SGCZ: variants seen among roughly 807,000 people sequenced by gnomAD.
SGCZ encodes zeta-sarcoglycan.
A neutral mutation model predicts 41.3 loss-of-function variants in SGCZ; 40 were observed. That is an observed-to-expected ratio of 0.97 (90% confidence interval 0.75 to 1.26). The LOEUF is 1.26. Ranked by LOEUF, SGCZ falls within the 50% of genes most tolerant of loss-of-function variation. The pLI is 0.00. For missense variants in SGCZ, 552 were observed against 369.8 expected (o/e 1.49, Z -4.04); for synonymous variants, 206 against 137.5 (o/e 1.50, Z -3.49).
rs543197856 is a variant in SGCZ at position 14,102,298 on chromosome 8, A to G, written c.744+78T>C. On this transcript the variant is annotated intron_variant, in intron 7 of 7. Coordinates refer to ENST00000382080, the MANE Select transcript of SGCZ (RefSeq NM_139167.4). Reference sequence around the variant, plus strand: ...CTGAAAGATATTCCTTCACAAGTCAATTATAAATAGGACATCTAAATACTT... The same window carrying G: ...CTGAAAGATATTCCTTCACAAGTCAGTTATAAATAGGACATCTAAATACTT... The G allele has an allele frequency of 2.2e-5, 29 of 1,289,152 alleles. 1 individual carries two copies. The African/African-American group carries it at 3.8e-4, about 17-fold the overall frequency. 79.9% of individuals were successfully genotyped at this position (1,289,152 alleles called of 1,614,324 possible). A position where few individuals can be genotyped will look rare whatever the true frequency, so the allele number is the denominator to read the frequency against.
chr8:14,102,279 GAT>G, intron 7 of SGCZ, 95 bp downstream of exon 7: 1 of 1,216,512 alleles, frequency 8.2e-7, no homozygotes, highest in Non-Finnish European at 1.1e-6. Context: ...TCTACTGAAA[GAT>G]ATTCCTTCAC....
At position 15,229,302 on chromosome 8, in the gene SGCZ, T is replaced by C. The variant is rs149224602; in HGVS notation, c.39+8283A>G. Among the ~76,000 whole-genome samples, 100 of 152,342 alleles carry C rather than the reference T, an allele frequency of 6.6e-4. 1 individual carries two copies. The highest frequency in any genetic ancestry group is 2.3e-3 in the African/African-American group (97 of 41,584). On this transcript the variant is annotated intron_variant, in intron 1 of 7. Coordinates refer to ENST00000382080, the MANE Select transcript of SGCZ (RefSeq NM_139167.4). Reference sequence around the variant, plus strand: ...TAAGAGTATCTAAAAAGGATTTTAATAATTTTAACTGTATAAACATTTATT... The same window carrying C: ...TAAGAGTATCTAAAAAGGATTTTAACAATTTTAACTGTATAAACATTTATT...
chr8:14,899,556 T>C (rs1176863381), intron 1 of SGCZ, among the ~76,000 whole-genome samples: 1 of 152,168 alleles, frequency 6.6e-6, no homozygotes, highest in Non-Finnish European at 1.5e-5. Flanking sequence ...GGAAAAGGAA[T>C]GCCCTTCACA....
intron 1 of SGCZ, among the ~76,000 whole-genome samples, chr8:15,222,959 A>G (rs1200317141): frequency 1.3e-5 from 2 of 152,224 alleles, no homozygotes; most frequent in African/African-American, 4.8e-5. Context: ...TCATGAAAGC[A>G]TAGTTTGAGA....
chr8:14,474,038 G>A (rs1429882302), intron 2 of SGCZ, among the ~76,000 whole-genome samples: 1 of 152,056 alleles, frequency 6.6e-6, no homozygotes, highest in Non-Finnish European at 1.5e-5. Context: ...TTCTGTGGGA[G>A]GACAAGATTG....
In SGCZ at chr8:14,236,631, T is replaced by C. The variant is rs183030929; in HGVS notation, c.424+961A>G. 6.0e-3 allele frequency among the ~76,000 whole-genome samples: 911 copies of C among 151,650 alleles called. 4 individuals are homozygous for C. Among genetic ancestry groups the C allele is most frequent in the Non-Finnish European group, 0.011 (744 of 67,764 alleles). ...AGTCCTCAAAATTGTAATTTACTTTTCTCTTTCCCTCTTTCTCATTCTCTC... is the reference window on the plus strand; with the variant it reads ...AGTCCTCAAAATTGTAATTTACTTTCCTCTTTCCCTCTTTCTCATTCTCTC... On this transcript the variant is annotated intron_variant, in intron 4 of 7. Coordinates refer to ENST00000382080, the MANE Select transcript of SGCZ (RefSeq NM_139167.4).
At chr8:14,802,971 T>C (rs1008877350) in intron 1 of SGCZ, among the ~76,000 whole-genome samples, 1 of 152,320 alleles carries the variant, frequency 6.6e-6, no homozygotes, top group Middle Eastern at 3.4e-3. Context: ...TGTTTGTAGA[T>C]AGCAGACAGC....
intron 2 of SGCZ, among the ~76,000 whole-genome samples, chr8:14,330,305 T>C (rs546750997): frequency 2.6e-5 from 4 of 152,196 alleles, no homozygotes; most frequent in South Asian, 2.1e-4. Context: ...GATTGTTGAA[T>C]TGAATAGAAT....
intron 1 of SGCZ, among the ~76,000 whole-genome samples, chr8:14,747,659 G>A (rs1799373443): frequency 1.4e-5 from 1 of 70,348 alleles, no homozygotes; most frequent in Non-Finnish European, 2.8e-5. Context: ...AGGGTACAAG[G>A]CATTATTATT....
At chr8:15,221,118 A>C (rs1585688420) in intron 1 of SGCZ, among the ~76,000 whole-genome samples, 1 of 152,216 alleles carries the variant, frequency 6.6e-6, no homozygotes, top group East Asian at 1.9e-4. Context: ...CCTATGTAAC[A>C]AAACTGCATG....
chr8:15,122,554 A>G (rs531036668), intron 1 of SGCZ, among the ~76,000 whole-genome samples: 1 of 152,294 alleles, frequency 6.6e-6, no homozygotes, highest in South Asian at 2.1e-4. Flanking sequence ...ATATATTTTA[A>G]TAGCCCAATG....
At chr8:14,472,868 TAA>T (rs1216591478) in intron 2 of SGCZ, among the ~76,000 whole-genome samples, 5 of 152,166 alleles carry the variant, frequency 3.3e-5, no homozygotes, top group Non-Finnish European at 7.4e-5. Flanking sequence ...TTATCAATGC[TAA>T]GTTATCCCTG....
At chr8:14,958,250 T>C (rs938946253) in intron 1 of SGCZ, among the ~76,000 whole-genome samples, 1 of 152,068 alleles carries the variant, frequency 6.6e-6, no homozygotes, top group Non-Finnish European at 1.5e-5. Context: ...CCTAGGTTTT[T>C]ACCCAAGAGA....
At chr8:14,368,283 A>G (rs946449467) in intron 2 of SGCZ, among the ~76,000 whole-genome samples, 2 of 152,066 alleles carry the variant, frequency 1.3e-5, no homozygotes, top group Non-Finnish European at 2.9e-5. Flanking sequence ...CATTTCATTA[A>G]TCTTGTCTGG....
chr8:15,009,077 T>C (rs988822455), intron 1 of SGCZ, among the ~76,000 whole-genome samples: 22 of 152,252 alleles, frequency 1.4e-4, no homozygotes, highest in Non-Finnish European at 7.4e-5. Flanking sequence ...TTTATCTGAA[T>C]CACAGTATAT....
intron 5 of SGCZ, among the ~76,000 whole-genome samples, chr8:14,138,332 A>C (rs1803264609): frequency 6.6e-6 from 1 of 152,200 alleles, no homozygotes; most frequent in African/African-American, 2.4e-5. Flanking sequence ...ACATAACATA[A>C]CAATATTAAC....
In SGCZ at chr8:14,417,172, G is replaced by C. The variant is rs114594463; in HGVS notation, c.235-92968C>G. Among the ~76,000 whole-genome samples, 1,449 of 151,906 alleles carry C rather than the reference G, an allele frequency of 9.5e-3. 25 individuals carry two copies. Among genetic ancestry groups the C allele is most frequent in the African/African-American group, 0.033 (1,387 of 41,504 alleles). ...AGATAAAACTGACAGTTTCTGCTGG[G>C]AAAGTAATTGTAACATGGAAGAAGT... On this transcript the variant is annotated intron_variant, in intron 2 of 7. Transcript: ENST00000382080.
intron 1 of SGCZ, among the ~76,000 whole-genome samples, chr8:14,563,347 G>A (rs1804264714): frequency 6.6e-6 from 1 of 152,150 alleles, no homozygotes; most frequent in African/African-American, 2.4e-5. Context: ...TATGAGATAT[G>A]GCTTCTTTCT....
At chr8:14,419,355 G>A (rs1485870629) in intron 2 of SGCZ, among the ~76,000 whole-genome samples, 3 of 151,900 alleles carry the variant, frequency 2.0e-5, no homozygotes, top group East Asian at 1.9e-4. Flanking sequence ...AAGAATTTAC[G>A]TCTTTCCTCA....
Sources: allele counts gnomAD v4.1 joint callset (sites outside exome capture counted in the v4.1 genomes callset), GRCh38; gene constraint gnomAD v4.1.1; transcripts MANE v1.5; gene names NCBI Gene and HGNC (gene_info 2026-07-23, HGNC 2026-07-21).